FSIP1: variants seen among roughly 807,000 people sequenced by gnomAD.
FSIP1 encodes fibrous sheath-interacting protein 1.
Under a neutral mutation model 60.9 loss-of-function variants are expected in FSIP1, and 65 were observed. The ratio of observed to expected loss-of-function variants is 1.07; its 90% CI spans 0.87 to 1.31. The LOEUF (loss-of-function observed/expected upper bound fraction) is 1.31, where lower values mean the gene tolerates loss of function less well. FSIP1 is among the 40% of genes most tolerant of loss of function. The pLI is 0.00. For missense variants in FSIP1, 675 were observed against 665.5 expected (o/e 1.01, Z -0.16); for synonymous variants, 209 against 221.2 (o/e 0.94, Z 0.49).
chr15:39,606,126 C>G (rs1890815270), intron 11 of FSIP1, among the ~76,000 whole-genome samples: 1 of 152,218 alleles, frequency 6.6e-6, no homozygotes, highest in South Asian at 2.1e-4. Context: ...CTAATCTGCT[C>G]TTTGGTTTTA....
intron 10 of FSIP1, among the ~76,000 whole-genome samples, chr15:39,711,980 C>T (rs1476934324): frequency 1.3e-5 from 2 of 152,054 alleles, no homozygotes; most frequent in African/African-American, 2.4e-5. Context: ...AGCCACCGCA[C>T]CCAGCCCATT....
At chr15:39,606,400 T>C (rs1236968181) in intron 11 of FSIP1, among the ~76,000 whole-genome samples, 1 of 152,236 alleles carries the variant, frequency 6.6e-6, no homozygotes, top group Non-Finnish European at 1.5e-5. Context: ...ATACATACAA[T>C]GTCTAGTGGT....
chr15:39,766,713 G>GT (rs1897702138), intron 3 of FSIP1, among the ~76,000 whole-genome samples: 1 of 152,196 alleles, frequency 6.6e-6, no homozygotes, highest in Non-Finnish European at 1.5e-5. Flanking sequence ...TGCTCAAACA[G>GT]TAAGTCTCAG....
Position 39,738,104 on chromosome 15 carries a change from A to G in FSIP1, c.878T>C (p.Leu293Pro). ...LKDLDEKDSG[L>P]SSSEGDQSGW... Reference sequence around the variant, plus strand: ...GAGTTTACGTACCTCAGAACTGGAGAGCCCGGAATCTTTCTCATCCAAGTC... The same window carrying G: ...GAGTTTACGTACCTCAGAACTGGAGGGCCCGGAATCTTTCTCATCCAAGTC... The change falls in exon 8 of 12, where the codon CTC becomes CCC. Residue 293 changes from leucine (L) to proline (P), a missense_variant. By Grantham distance (98) the Leu-to-Pro change is moderately conservative. Transcript: ENST00000350221. 6.2e-7 allele frequency: 1 copy of G among 1,607,976 alleles called. No individual in the cohort carries two copies. Among genetic ancestry groups the G allele is most frequent in the Non-Finnish European group, 8.5e-7 (1 of 1,175,558 alleles).
At chr15:39,622,821 C>A (rs756887324) in intron 10 of FSIP1, among the ~76,000 whole-genome samples, 1 of 152,120 alleles carries the variant, frequency 6.6e-6, no homozygotes, top group African/African-American at 2.4e-5. Context: ...CTCCCTCTAC[C>A]ACCCTCCAAG....
chr15:39,627,469 T>C (rs1007711979), intron 10 of FSIP1, among the ~76,000 whole-genome samples: 1 of 152,246 alleles, frequency 6.6e-6, no homozygotes, highest in Non-Finnish European at 1.5e-5. Flanking sequence ...AGAGAATTCA[T>C]GCCCCTTGGG....
At chr15:39,604,123 G>C (rs918123859) in intron 11 of FSIP1, among the ~76,000 whole-genome samples, 1 of 152,192 alleles carries the variant, frequency 6.6e-6, no homozygotes, top group African/African-American at 2.4e-5. Context: ...TACAGATGGG[G>C]TTTCTCCGTG....
chr15:39,649,232 A>G (rs535133010), intron 10 of FSIP1, among the ~76,000 whole-genome samples: 2 of 152,324 alleles, frequency 1.3e-5, no homozygotes, highest in East Asian at 3.9e-4. Context: ...AAAAGACCAA[A>G]AACACCTGTA....
At chr15:39,674,289 T>A (rs551965554) in intron 10 of FSIP1, among the ~76,000 whole-genome samples, 2 of 152,064 alleles carry the variant, frequency 1.3e-5, no homozygotes, top group Non-Finnish European at 1.5e-5. Context: ...CTCCTGACCT[T>A]GTGATCCGCC....
In FSIP1 at chr15:39,739,683, A is replaced by C. The variant is rs773834629; in HGVS notation, c.762T>G (p.Phe254Leu). 20 of 1,596,174 alleles carry C rather than the reference A, an allele frequency of 1.3e-5. No homozygotes were observed. The highest frequency in any genetic ancestry group is 1.6e-5 in the Non-Finnish European group (19 of 1,176,232). Reference protein sequence around the residue: ...IELRGKHNQDFIKRNIELAKE... With the variant: ...IELRGKHNQDLIKRNIELAKE... ...TACATACCTCAATGTTTCTCTTAAT[A>C]AAATCCTGGTTGTGTTTACCCCTGA... is the stretch of plus-strand genomic sequence containing the variant. The change falls in exon 7 of 12, where the codon TTT (phenylalanine) becomes TTG (leucine). Residue 254 changes from phenylalanine (F) to leucine (L), a missense_variant. Transcript: ENST00000350221.
intron 9 of FSIP1, 72 bp from the exon 10 acceptor site, chr15:39,713,653 C>G: frequency 7.2e-7 from 1 of 1,387,824 alleles, no homozygotes; most frequent in South Asian, 1.4e-5. Flanking sequence ...CTCAAAGCAA[C>G]TGAGCCTTGA....
chr15:39,752,548 T>A (rs1287172567), intron 5 of FSIP1, among the ~76,000 whole-genome samples: 2 of 152,064 alleles, frequency 1.3e-5, no homozygotes, highest in African/African-American at 2.4e-5. Context: ...CAAAAACACA[T>A]ACTCTCAGTC....
chr15:39,632,618 C>T (rs1386589245), intron 10 of FSIP1, among the ~76,000 whole-genome samples: 1 of 152,116 alleles, frequency 6.6e-6, no homozygotes, highest in Non-Finnish European at 1.5e-5. Context: ...CATGGTGCAA[C>T]TCTGTGTCTA....
At chr15:39,699,494 T>C (rs1280402174) in intron 10 of FSIP1, among the ~76,000 whole-genome samples, 2 of 152,202 alleles carry the variant, frequency 1.3e-5, no homozygotes, top group Non-Finnish European at 2.9e-5. Context: ...ACTTTCAGCA[T>C]GTATCTTTGT....
chr15:39,764,002 A>C, intron 4 of FSIP1, 88 bp from the exon 5 acceptor site: 1 of 715,242 alleles, frequency 1.4e-6, no homozygotes, highest in Non-Finnish European at 2.5e-6. Context: ...GCTCCCAATC[A>C]CATACGTACA....
intron 4 of FSIP1, among the ~76,000 whole-genome samples, chr15:39,765,160 T>C (rs1283448434): frequency 6.7e-6 from 1 of 150,220 alleles, no homozygotes; most frequent in African/African-American, 2.4e-5. Flanking sequence ...TGCCACTACC[T>C]CCACAAAATA....
At chr15:39,761,664 G>A (rs1216971780) in intron 5 of FSIP1, among the ~76,000 whole-genome samples, 1 of 152,160 alleles carries the variant, frequency 6.6e-6, no homozygotes. Context: ...ACGGTGTGGT[G>A]AATATCATCA....
At chr15:39,757,029 T>C (rs901196445) in intron 5 of FSIP1, among the ~76,000 whole-genome samples, 2 of 152,068 alleles carry the variant, frequency 1.3e-5, no homozygotes, top group African/African-American at 4.8e-5. Context: ...TTTAAATGCT[T>C]TAAGGCTTTT....
intron 10 of FSIP1, among the ~76,000 whole-genome samples, chr15:39,689,118 G>A (rs565065110): frequency 6.6e-6 from 1 of 152,194 alleles, no homozygotes; most frequent in African/African-American, 2.4e-5. Context: ...CAGAACTCAG[G>A]AAAATAGTTA....
Sources: allele counts gnomAD v4.1 joint callset (sites outside exome capture counted in the v4.1 genomes callset), GRCh38; gene constraint gnomAD v4.1.1; transcripts MANE v1.5; gene names NCBI Gene and HGNC (gene_info 2026-07-23, HGNC 2026-07-21).